SDK1: variants seen among roughly 807,000 people sequenced by gnomAD.
SDK1 encodes protein sidekick-1.
In SDK1, 157 loss-of-function variants were observed where a neutral mutation model predicts 245.5. The ratio of observed to expected loss-of-function variants is 0.64; its 90% confidence interval spans 0.56 to 0.73. The LOEUF (loss-of-function observed/expected upper bound fraction) is 0.73, where lower values mean the gene tolerates loss of function less well. Among genes scored for constraint, SDK1 ranks in the 30% least tolerant of loss-of-function variants. The pLI, the probability that SDK1 is intolerant of heterozygous loss-of-function variation, is 0.00. For missense variants in SDK1, 3,583 were observed against 3,002.3 expected (o/e 1.19, Z -4.52); for synonymous variants, 1,647 against 1,278.5 (o/e 1.29, Z -6.15).
intron 1 of SDK1, among the ~76,000 whole-genome samples, chr7:3,561,624 C>G (rs760570289): frequency 3.3e-5 from 5 of 152,150 alleles, no homozygotes; most frequent in Admixed American, 6.5e-5. Flanking sequence ...ATTTCTGAAT[C>G]AAGACTGGTT....
rs529322523 is a variant in SDK1, at chr7:3,600,831, A to T, written c.299-18249A>T. Among the ~76,000 whole-genome samples the T allele has an allele frequency of 2.6e-4, 39 of 152,310 alleles. 1 individual carries two copies. The highest frequency in any genetic ancestry group is 1.4e-3 in the East Asian group (7 of 5,172). On this transcript the variant is annotated intron_variant, in intron 1 of 44. Transcript: ENST00000404826. ...CCAAAGTGCTGGAATTACAGGCATT[A>T]GCCACCGTGCCTGGCCAATGTAGGT...
In SDK1 at chr7:3,314,874, A is replaced by G. The variant is rs537415227; in HGVS notation, c.298+12990A>G. On this transcript the variant is annotated intron_variant, in intron 1 of 44. Coordinates refer to ENST00000404826, the MANE Select transcript of SDK1 (RefSeq NM_152744.4). ...TTGGGTGAATAACGTGAATTTCATC[A>G]TACATCCTATTGGCAACAAAAACTT... Among the ~76,000 whole-genome samples, 7 of 151,938 alleles carry G rather than the reference A, an allele frequency of 4.6e-5. 1 individual carries two copies. The highest frequency in any genetic ancestry group is 1.7e-4 in the African/African-American group (7 of 41,434).
At chr7:3,586,541 C>CAA (rs113602540) in intron 1 of SDK1, among the ~76,000 whole-genome samples, 1 of 133,580 alleles carries the variant, frequency 7.5e-6, no homozygotes. Context: ...ACAAAAAATA[C>CAA]AAAAAAAAAA....
chr7:4,071,794 A>G (rs536165473), intron 20 of SDK1, among the ~76,000 whole-genome samples: 53 of 152,330 alleles, frequency 3.5e-4, no homozygotes, highest in South Asian at 1.0e-3. Context: ...CTGCCCGGGT[A>G]GGAAAGAAAG....
rs114813010 is a variant in SDK1 at position 3,701,759 on chromosome 7, T to C, written c.713+59654T>C. ...AGGTAATGTAATAAAAACTGTGATA[T>C]TGTTGTAGGGATAGACACATGAATC... On this transcript the variant is annotated intron_variant, in intron 4 of 44. Transcript: ENST00000404826. Among the ~76,000 whole-genome samples, 390 of 152,194 alleles carry C rather than the reference T, an allele frequency of 2.6e-3. 2 individuals are homozygous for C. Among genetic ancestry groups the C allele is most frequent in the African/African-American group, 9.1e-3 (378 of 41,540 alleles).
At chr7:4,160,896 C>G (rs565958926) in intron 31 of SDK1, among the ~76,000 whole-genome samples, 46 of 152,272 alleles carry the variant, frequency 3.0e-4, no homozygotes, top group Non-Finnish European at 5.4e-4. Context: ...AGGAAAATCA[C>G]AGAGCCGGTG....
intron 4 of SDK1, among the ~76,000 whole-genome samples, chr7:3,810,123 G>C (rs146943092): frequency 1.3e-3 from 204 of 152,310 alleles, no homozygotes; most frequent in Non-Finnish European, 2.3e-3. Flanking sequence ...ACTGCTGTTT[G>C]CAGAGTATCC....
At chr7:3,747,717 G>A (rs1463233082) in intron 4 of SDK1, among the ~76,000 whole-genome samples, 1 of 148,874 alleles carries the variant, frequency 6.7e-6, no homozygotes, top group Non-Finnish European at 1.5e-5. Flanking sequence ...GTGTGTGTGT[G>A]TATGGTGAGG....
intron 4 of SDK1, among the ~76,000 whole-genome samples, chr7:3,696,883 C>G (rs544631651): frequency 6.6e-6 from 1 of 151,280 alleles, no homozygotes; most frequent in African/African-American, 2.4e-5. Flanking sequence ...GATAGGAGAC[C>G]TCTGATATTT....
intron 4 of SDK1, among the ~76,000 whole-genome samples, chr7:3,675,139 A>T (rs186852407): frequency 3.5e-4 from 54 of 152,288 alleles, no homozygotes; most frequent in Non-Finnish European, 6.3e-4. Context: ...CCATGCCCCA[A>T]ACCTGCTCCA....
chr7:3,430,731 C>G (rs1310284189), intron 1 of SDK1, among the ~76,000 whole-genome samples: 1 of 152,170 alleles, frequency 6.6e-6, no homozygotes, highest in Admixed American at 6.5e-5. Flanking sequence ...AGGAATCTAT[C>G]TCTAGTAGGA....
chr7:4,058,896 A>G (rs1285446045), intron 19 of SDK1, among the ~76,000 whole-genome samples: 1 of 152,130 alleles, frequency 6.6e-6, no homozygotes, highest in Non-Finnish European at 1.5e-5. Flanking sequence ...ACCATCATGA[A>G]AATGTACAAA....
At chr7:3,305,713 G>T (rs996437355) in intron 1 of SDK1, among the ~76,000 whole-genome samples, 1 of 152,110 alleles carries the variant, frequency 6.6e-6, no homozygotes, top group Non-Finnish European at 1.5e-5. Flanking sequence ...AATTTTATTA[G>T]GCCACTGGGT....
chr7:4,074,888 A>ATG (rs1780540127), intron 20 of SDK1, among the ~76,000 whole-genome samples: 1 of 60,472 alleles, frequency 1.7e-5, no homozygotes, highest in Non-Finnish European at 2.8e-5. Flanking sequence ...CTCTCTCTGT[A>ATG]TATATATATA....
At chr7:3,552,333 G>A (rs548742782) in intron 1 of SDK1, among the ~76,000 whole-genome samples, 9 of 152,094 alleles carry the variant, frequency 5.9e-5, no homozygotes, top group South Asian at 4.1e-4. Context: ...GAGCCACCGC[G>A]CCCAGCTGAT....
intron 1 of SDK1, among the ~76,000 whole-genome samples, chr7:3,461,132 G>A (rs529246229): frequency 1.4e-3 from 217 of 152,220 alleles, no homozygotes; most frequent in Non-Finnish European, 2.5e-3. Context: ...CCAATTAGGA[G>A]AGCAATCTAG....
At chr7:3,791,024 T>G (rs1781064976) in intron 4 of SDK1, among the ~76,000 whole-genome samples, 1 of 152,248 alleles carries the variant, frequency 6.6e-6, no homozygotes, top group Non-Finnish European at 1.5e-5. Context: ...CTCTCTGTGC[T>G]TCAGTATCCT....
intron 4 of SDK1, among the ~76,000 whole-genome samples, chr7:3,772,312 C>T (rs537513673): frequency 3.0e-4 from 46 of 151,568 alleles, no homozygotes; most frequent in Non-Finnish European, 3.8e-4. Flanking sequence ...ATTTGGTATC[C>T]TAAAGTCAAA....
intron 1 of SDK1, among the ~76,000 whole-genome samples, chr7:3,332,325 ATCCTTTAATGTCAGTGCCG>A (rs1345344390): frequency 6.6e-6 from 1 of 152,172 alleles, no homozygotes; most frequent in African/African-American, 2.4e-5. Context: ...GCAGGGCTCC[ATCCTTTAATGTCAGTGCCG>A]TCAGTTGTTC....
Sources: gnomAD v4.1 joint callset for allele counts (sites outside exome capture counted in the v4.1 genomes callset) on GRCh38, gnomAD v4.1.1 for gene constraint, MANE v1.5 for transcripts, NCBI Gene and HGNC (gene_info 2026-07-23, HGNC 2026-07-21) for gene names.